The following GPC6 variants were observed in gnomAD, a reference collection of about 807,000 sequenced individuals.
The protein encoded by GPC6 is glypican-6.
GPC6 carries 14 observed loss-of-function variants against 55.2 expected under a neutral mutation model. That is an observed-to-expected ratio of 0.25 (90% CI 0.17 to 0.40). GPC6 has a LOEUF of 0.40. Among genes scored for constraint, GPC6 ranks in the 10% least tolerant of loss-of-function variants. GPC6 has a pLI of 1.00. For synonymous variants in GPC6, 278 were observed against 259.6 expected (o/e 1.07, Z -0.68); for missense variants, 641 against 708.5 (o/e 0.90, Z 1.08).
chr13:93,669,164 C>A (rs998656384), intron 2 of GPC6, among the ~76,000 whole-genome samples: 31 of 152,138 alleles, frequency 2.0e-4, no homozygotes, highest in South Asian at 6.2e-4. Flanking sequence ...TTCTAAGTAG[C>A]TTGCCCCAGT....
chr13:93,868,904 A>G (rs1300045265), intron 3 of GPC6, among the ~76,000 whole-genome samples: 1 of 151,768 alleles, frequency 6.6e-6, no homozygotes, highest in Non-Finnish European at 1.5e-5. Flanking sequence ...TCCACAACCC[A>G]CAAATACTGT....
chr13:93,625,822 T>G (rs545406422), intron 2 of GPC6, among the ~76,000 whole-genome samples: 1 of 152,310 alleles, frequency 6.6e-6, no homozygotes, highest in Non-Finnish European at 1.5e-5. Context: ...GGAGTTAGTA[T>G]ACTTTGACTT....
chr13:93,310,039 G>A (rs1220895568), intron 1 of GPC6, among the ~76,000 whole-genome samples: 1 of 152,138 alleles, frequency 6.6e-6, no homozygotes, highest in African/African-American at 2.4e-5. Flanking sequence ...TAGACTCCTA[G>A]GAAGCCTGAC....
chr13:93,427,506 T>C (rs2139269274), intron 1 of GPC6, among the ~76,000 whole-genome samples: 1 of 152,096 alleles, frequency 6.6e-6, no homozygotes, highest in South Asian at 2.1e-4. Flanking sequence ...GGGGAAAGGA[T>C]TCCCTATTTA....
chr13:94,070,252 G>A (rs1884679125), intron 4 of GPC6, among the ~76,000 whole-genome samples: 3 of 151,952 alleles, frequency 2.0e-5, no homozygotes, highest in African/African-American at 7.3e-5. Context: ...TCACTATCAT[G>A]AGAACAGCAC....
chr13:93,796,018 C>T (rs1285782529), intron 2 of GPC6, among the ~76,000 whole-genome samples: 4 of 148,964 alleles, frequency 2.7e-5, no homozygotes, highest in South Asian at 2.1e-4. Flanking sequence ...ACCCCGTCTC[C>T]GAGAAAAGAA....
chr13:93,558,898 TA>T (rs1289329742), intron 2 of GPC6, among the ~76,000 whole-genome samples: 1 of 152,172 alleles, frequency 6.6e-6, no homozygotes, highest in Non-Finnish European at 1.5e-5. Flanking sequence ...ACACTATTTT[TA>T]AATAAACAGT....
intron 4 of GPC6, among the ~76,000 whole-genome samples, chr13:94,186,020 A>G (rs949733508): frequency 7.7e-6 from 1 of 129,774 alleles, no homozygotes; most frequent in Non-Finnish European, 1.5e-5. Context: ...AGATCGCACC[A>G]CTGCACTCCA....
intron 2 of GPC6, among the ~76,000 whole-genome samples, chr13:93,640,022 AC>A (rs1879847936): frequency 6.6e-6 from 1 of 152,140 alleles, no homozygotes; most frequent in South Asian, 2.1e-4. Context: ...AATAATTACT[AC>A]CAATTATATC....
chr13:93,426,043 C>G (rs185205810), intron 1 of GPC6, among the ~76,000 whole-genome samples: 37 of 152,292 alleles, frequency 2.4e-4, no homozygotes, highest in African/African-American at 7.2e-4. Context: ...GCAGAAACTT[C>G]TTCCTCACTT....
At chr13:94,096,004 A>T (rs17195966) in intron 4 of GPC6, among the ~76,000 whole-genome samples, 7 of 152,194 alleles carry the variant, frequency 4.6e-5, no homozygotes, top group African/African-American at 7.2e-5. Context: ...CAGTCAAAAG[A>T]TATTCAAAAT....
intron 3 of GPC6, among the ~76,000 whole-genome samples, chr13:93,972,938 T>TCTCTCTGTCTTTCTCTCTCTCTCTCTCC (rs1214832881): frequency 1.3e-5 from 2 of 151,874 alleles, no homozygotes; most frequent in African/African-American, 4.8e-5. Flanking sequence ...TCTCTCTCTC[T>TCTCTCTGTCTTTCTCTCTCTCTCTCTCC]CTCTCTGTCT....
intron 3 of GPC6, among the ~76,000 whole-genome samples, chr13:93,967,838 G>A (rs1401828220): frequency 6.6e-6 from 1 of 151,724 alleles, no homozygotes; most frequent in Admixed American, 6.6e-5. Context: ...TCAGAACATA[G>A]ATATCAGAAC....
chr13:94,402,271 T>C (rs2139233060), intron 8 of GPC6, among the ~76,000 whole-genome samples: 1 of 152,334 alleles, frequency 6.6e-6, no homozygotes, highest in South Asian at 2.1e-4. Flanking sequence ...CATGGTATCT[T>C]CCTAGAGCAA....
chr13:93,378,629 G>A lies in GPC6; in HGVS notation c.160+151013G>A, dbSNP rs772567207. Among the ~76,000 whole-genome samples, 7 of 152,204 alleles carry A rather than the reference G, an allele frequency of 4.6e-5. No homozygotes were observed. The East Asian group carries it at 9.7e-4, about 21-fold the overall frequency. Reference sequence around the variant, plus strand: ...GTATCCTTTTTAGAATAAACATTTGGTAATGACTTATTATGATCTTGACAT... The same window carrying A: ...GTATCCTTTTTAGAATAAACATTTGATAATGACTTATTATGATCTTGACAT... On this transcript the variant is annotated intron_variant, in intron 1 of 8. Transcript: ENST00000377047.
chr13:93,822,895 G>A (rs139458320), intron 2 of GPC6, among the ~76,000 whole-genome samples: 1 of 149,440 alleles, frequency 6.7e-6, no homozygotes, highest in Non-Finnish European at 1.5e-5. Context: ...ATGGAGTCTC[G>A]CTCTGTCACC....
At chr13:93,225,514 T>TGG (rs1566530129), upstream of GPC6, among the ~76,000 whole-genome samples, 6 of 151,202 alleles carry the variant, frequency 4.0e-5, no homozygotes, top group South Asian at 2.1e-4. Flanking sequence ...TTTTGTTTTT[T>TGG]TTTTTTTTGG....
At chr13:94,072,292 T>A (rs1316425694) in intron 4 of GPC6, among the ~76,000 whole-genome samples, 2 of 152,124 alleles carry the variant, frequency 1.3e-5, no homozygotes, top group Admixed American at 1.3e-4. Flanking sequence ...AAACATAACG[T>A]CTTTTGCTTA....
intron 4 of GPC6, among the ~76,000 whole-genome samples, chr13:94,075,536 T>C (rs529698741): frequency 3.3e-5 from 5 of 152,244 alleles, no homozygotes; most frequent in African/African-American, 1.2e-4. Flanking sequence ...GGCGATATAT[T>C]GTACAGCAGC....
Sources: allele counts gnomAD v4.1 joint callset (sites outside exome capture counted in the v4.1 genomes callset), GRCh38; gene constraint gnomAD v4.1.1; transcripts MANE v1.5; gene names NCBI Gene and HGNC (gene_info 2026-07-23, HGNC 2026-07-21).